Variants in STRN3 observed in about 807,000 individuals in gnomAD.
STRN3 encodes striatin-3.
A neutral mutation model predicts 95.6 loss-of-function variants in STRN3; 29 were observed. The ratio of observed to expected loss-of-function variants is 0.30; its 90% CI spans 0.23 to 0.41. STRN3 has a LOEUF of 0.41. STRN3 is among the 10% of genes least tolerant of loss of function. The pLI, the probability that STRN3 is intolerant of heterozygous loss-of-function variation, is 1.00. For missense variants in STRN3, 890 were observed against 972.1 expected, an observed-to-expected ratio of 0.92 and a Z score of 1.12; for synonymous variants, 331 against 357.6, an observed-to-expected ratio of 0.93 and a Z score of 0.84.
At chr14:30,910,366 T>C (rs1896575939) in intron 13 of STRN3, among the ~76,000 whole-genome samples, 1 of 152,232 alleles carries the variant, frequency 6.6e-6, no homozygotes, top group Non-Finnish European at 1.5e-5. Flanking sequence ...TCTTATTTCT[T>C]GACATAGTGC....
At chr14:30,958,371 T>A (rs1880025501) in intron 1 of STRN3, among the ~76,000 whole-genome samples, 1 of 152,298 alleles carries the variant, frequency 6.6e-6, no homozygotes, top group African/African-American at 2.4e-5. Context: ...ATACATATTT[T>A]AAAAATTTTT....
intron 1 of STRN3, among the ~76,000 whole-genome samples, chr14:30,970,047 A>G (rs1247226654): frequency 1.3e-5 from 2 of 152,246 alleles, no homozygotes; most frequent in African/African-American, 2.4e-5. Flanking sequence ...ACCAAAGCTA[A>G]GAAAAATTTA....
Position 30,912,084 on chromosome 14 carries a change from T to C in STRN3, c.1473A>G (p.Val491=), listed in dbSNP as rs748957816. The C allele has an allele frequency of 3.1e-6, 5 of 1,614,178 alleles. No homozygotes were observed. In the Admixed American group the frequency reaches 6.7e-5, roughly 22 times the overall value. The change falls in exon 11 of 18, where the codon GTA becomes GTG. Residue 491 remains valine (V), a synonymous_variant. Coordinates refer to ENST00000357479, the MANE Select transcript of STRN3 (RefSeq NM_001083893.2). ...DGVRALAFHP[V]EPVLVTASED... ...CAGAAGCAGTAACCAGCACAGGTTC[T>C]ACAGGATGAAAAGCTAATGCCCGTA... is the stretch of plus-strand genomic sequence containing the variant.
At chr14:31,003,285 A>AAGAAAG (rs1199157435) in intron 1 of STRN3, among the ~76,000 whole-genome samples, 2 of 151,838 alleles carry the variant, frequency 1.3e-5, no homozygotes, top group African/African-American at 2.4e-5. Flanking sequence ...AGAAAAGAAA[A>AAGAAAG]AGAAAGAGAA....
chr14:30,945,129 C>T (rs111805207), intron 5 of STRN3, among the ~76,000 whole-genome samples: 10 of 152,094 alleles, frequency 6.6e-5, no homozygotes, highest in Non-Finnish European at 1.3e-4. Flanking sequence ...TTATCAATTC[C>T]GTATTCATCA....
intron 4 of STRN3, among the ~76,000 whole-genome samples, chr14:30,950,219 CATG>C (rs2139123992): frequency 6.6e-6 from 1 of 152,262 alleles, no homozygotes; most frequent in African/African-American, 2.4e-5. Flanking sequence ...AGGTGGAATG[CATG>C]ATGACTGTCC....
Position 30,962,398 on chromosome 14 carries a change from A to T in STRN3, c.283-6156T>A, listed in dbSNP as rs184188923. Among the ~76,000 whole-genome samples, 6 of 152,344 alleles carry T rather than the reference A, an allele frequency of 3.9e-5. No individual in the cohort carries two copies. In the East Asian group the frequency reaches 1.2e-3, roughly 29 times the overall value. On this transcript the variant is annotated intron_variant, in intron 1 of 17. Coordinates refer to ENST00000357479, the MANE Select transcript of STRN3 (RefSeq NM_001083893.2). Reference sequence around the variant, plus strand: ...CATAAATTTAGTAAAGTCTAAGTATACAGTGTTTATACAATCTACAAGAGA... The same window carrying T: ...CATAAATTTAGTAAAGTCTAAGTATTCAGTGTTTATACAATCTACAAGAGA...
intron 13 of STRN3, 96 bp from the exon 14 acceptor site, chr14:30,907,140 A>G: frequency 7.3e-7 from 1 of 1,378,054 alleles, no homozygotes; most frequent in Middle Eastern, 2.0e-4. Context: ...GAGCATAAAG[A>G]ACACACATAA....
At chr14:30,945,961 T>A (rs953174729) in intron 5 of STRN3, among the ~76,000 whole-genome samples, 1 of 152,170 alleles carries the variant, frequency 6.6e-6, no homozygotes, top group Non-Finnish European at 1.5e-5. Context: ...TTCTAAAAAC[T>A]ATTAAATCGT....
intron 1 of STRN3, chr14:31,018,357 C>T (rs1449799961): frequency 9.2e-6 from 3 of 324,570 alleles, no homozygotes; most frequent in African/African-American, 2.2e-5. Flanking sequence ...GCAGTGTTGG[C>T]ATGTAGTGGG....
intron 9 of STRN3, among the ~76,000 whole-genome samples, chr14:30,918,265 TG>T (rs1253450247): frequency 6.6e-6 from 1 of 152,116 alleles, no homozygotes; most frequent in Non-Finnish European, 1.5e-5. Context: ...CCCAGCGCCT[TG>T]GGAGCCAAGG....
At chr14:30,932,769 T>G (rs1281916609) in intron 7 of STRN3, among the ~76,000 whole-genome samples, 1 of 152,198 alleles carries the variant, frequency 6.6e-6, no homozygotes, top group African/African-American at 2.4e-5. Flanking sequence ...ATAAATTAAA[T>G]TCCTGAGTTT....
At chr14:30,952,398 T>C (rs969565806) in intron 3 of STRN3, among the ~76,000 whole-genome samples, 2 of 151,936 alleles carry the variant, frequency 1.3e-5, no homozygotes, top group Non-Finnish European at 2.9e-5. Context: ...ATCCTAACAG[T>C]CCAATTATTA....
chr14:31,002,166 CA>C (rs757001835), intron 1 of STRN3, among the ~76,000 whole-genome samples: 1 of 19,276 alleles, frequency 5.2e-5, no homozygotes, highest in African/African-American at 2.4e-4. Context: ...AATTCCATCT[CA>C]AAAAAAAAAA....
chr14:30,992,565 TAAAA>T lies in STRN3; in HGVS notation c.282+33335_282+33338del, dbSNP rs58987293. Among the ~76,000 whole-genome samples, 873 of 94,090 alleles carry T rather than the reference TAAAA, an allele frequency of 9.3e-3. 11 individuals carry two copies. The highest frequency in any genetic ancestry group is 0.012 in the Non-Finnish European group (602 of 50,472). 61.7% of individuals were successfully genotyped at this position (94,090 alleles called of 152,430 possible). A position where few individuals can be genotyped will look rare whatever the true frequency, so the allele number is the denominator to read the frequency against. Reference sequence around the variant, plus strand: ...CCACAGTGCCCGGCCCCTGTCTCTTTAAAAAAAAAAAAAAAAAAAAAAAAAAGAT... The same window carrying T: ...CCACAGTGCCCGGCCCCTGTCTCTTTAAAAAAAAAAAAAAAAAAAAAAGAT... On this transcript the variant is annotated intron_variant, in intron 1 of 17. Transcript: ENST00000357479.
chr14:30,946,495 C>A (rs1257016608), intron 5 of STRN3, among the ~76,000 whole-genome samples: 1 of 152,064 alleles, frequency 6.6e-6, no homozygotes, highest in Non-Finnish European at 1.5e-5. Context: ...CATGAGCCGA[C>A]AGCACACCAG....
chr14:30,924,594 A>AT (rs1896973813), intron 8 of STRN3, among the ~76,000 whole-genome samples: 1 of 152,122 alleles, frequency 6.6e-6, no homozygotes, highest in African/African-American at 2.4e-5. Context: ...ACCCAGCCTC[A>AT]TGCTTGAAAT....
At chr14:31,019,603 G>A (rs1322451002) in intron 1 of STRN3, among the ~76,000 whole-genome samples, 2 of 152,112 alleles carry the variant, frequency 1.3e-5, no homozygotes, top group African/African-American at 4.8e-5. Context: ...GGCAGGAGGA[G>A]TACTCTGAAC....
At chr14:30,996,459 A>G (rs1006328701) in intron 1 of STRN3, among the ~76,000 whole-genome samples, 1 of 152,198 alleles carries the variant, frequency 6.6e-6, no homozygotes, top group Non-Finnish European at 1.5e-5. Flanking sequence ...ATCATTTCAT[A>G]GTCTTTTTTG....
Sources: allele counts gnomAD v4.1 joint callset (sites outside exome capture counted in the v4.1 genomes callset), GRCh38; gene constraint gnomAD v4.1.1; transcripts MANE v1.5; gene names NCBI Gene and HGNC (gene_info 2026-07-23, HGNC 2026-07-21).